DISC1: variants seen among roughly 807,000 people sequenced by gnomAD.
DISC1 encodes the protein DISC1 scaffold protein.
A neutral mutation model predicts 84.5 loss-of-function variants in DISC1; 57 were observed. The observed-to-expected ratio is 0.67, with a 90% CI of 0.55 to 0.84. The LOEUF (loss-of-function observed/expected upper bound fraction) is 0.84, where lower values mean the gene tolerates loss of function less well. DISC1 is among the 40% of genes least tolerant of loss of function. The pLI, the probability that DISC1 is intolerant of heterozygous loss-of-function variation, is 0.00. For synonymous variants in DISC1, 411 were observed against 415.2 expected, an observed-to-expected ratio of 0.99 and a Z score of 0.12; for missense variants, 1,000 against 1,057.8, an observed-to-expected ratio of 0.95 and a Z score of 0.76.
At chr1:231,754,117 C>T (rs769019657) in intron 4 of DISC1, among the ~76,000 whole-genome samples, 4 of 152,116 alleles carry the variant, frequency 2.6e-5, no homozygotes, top group Non-Finnish European at 4.4e-5. Context: ...TCTTCTGAGC[C>T]ATCCACACTC....
intron 10 of DISC1, among the ~76,000 whole-genome samples, chr1:231,963,331 A>G (rs1399724244): frequency 6.6e-6 from 1 of 152,194 alleles, no homozygotes; most frequent in Non-Finnish European, 1.5e-5. Flanking sequence ...ATTCGATTGA[A>G]TCATGTGAAA....
At chr1:231,969,820 A>G (rs1430056663) in intron 10 of DISC1, among the ~76,000 whole-genome samples, 3 of 151,766 alleles carry the variant, frequency 2.0e-5, no homozygotes, top group Admixed American at 2.0e-4. Flanking sequence ...TCATTGTTCA[A>G]TTCCCACCCA....
intron 9 of DISC1, among the ~76,000 whole-genome samples, chr1:231,892,597 A>C (rs1022997869): frequency 6.6e-6 from 1 of 152,168 alleles, no homozygotes; most frequent in Non-Finnish European, 1.5e-5. Flanking sequence ...CAAATAAGGT[A>C]CTAAAACAAG....
At chr1:231,721,542 T>C (rs544680448) in intron 3 of DISC1, among the ~76,000 whole-genome samples, 1 of 152,328 alleles carries the variant, frequency 6.6e-6, no homozygotes, top group African/African-American at 2.4e-5. Context: ...AATGAAATGT[T>C]CATTTATATC....
chr1:231,913,150 G>A (rs113846809), intron 9 of DISC1, among the ~76,000 whole-genome samples: 67 of 152,236 alleles, frequency 4.4e-4, no homozygotes, highest in African/African-American at 1.6e-3. Flanking sequence ...GAGCTCAAGA[G>A]ATCCACCAGC....
At chr1:231,714,767 GTC>G (rs2125049782) in intron 3 of DISC1, among the ~76,000 whole-genome samples, 2 of 151,998 alleles carry the variant, frequency 1.3e-5, no homozygotes, top group South Asian at 4.2e-4. Context: ...AGATGGAGGA[GTC>G]TCTTTCACAC....
chr1:231,706,894 C>T (rs1573055257), intron 3 of DISC1, among the ~76,000 whole-genome samples: 2 of 152,140 alleles, frequency 1.3e-5, no homozygotes, highest in Admixed American at 6.5e-5. Context: ...ATTACCCAAC[C>T]AGATACCCCT....
intron 7 of DISC1, 96 bp downstream of exon 7, chr1:231,795,392 A>C (rs2078679972): frequency 2.7e-6 from 3 of 1,100,860 alleles, no homozygotes; most frequent in Non-Finnish European, 4.0e-6. Flanking sequence ...GGCTTCTGCA[A>C]AAAAAGATGT....
chr1:231,802,001 G>A (rs2079307979), intron 8 of DISC1, among the ~76,000 whole-genome samples: 1 of 151,952 alleles, frequency 6.6e-6, no homozygotes, highest in East Asian at 1.9e-4. Flanking sequence ...TGTATTTTTA[G>A]TAGAGACGGG....
intron 8 of DISC1, among the ~76,000 whole-genome samples, chr1:231,817,163 C>A (rs967426044): frequency 6.6e-6 from 1 of 152,168 alleles, no homozygotes; most frequent in Admixed American, 6.5e-5. Flanking sequence ...CAGCTCGCTG[C>A]AACCTACACC....
Position 232,031,687 on chromosome 1 carries a change from C to G in DISC1, c.2426-5005C>G, listed in dbSNP as rs1430246356. On this transcript the variant is annotated intron_variant, in intron 12 of 12. Coordinates refer to ENST00000439617, the MANE Select transcript of DISC1 (RefSeq NM_018662.3). This position sits in a 1 kb window ranked among gnomAD's most constrained non-coding sequence, Gnocchi z 4.6. ...GAGCCCCACAGTGGGTGGGGGAGGG[C>G]AAGGGCGTAGACACAGGGCTGTCCT... 2.6e-5 allele frequency among the ~76,000 whole-genome samples: 4 copies of G among 152,072 alleles called. No homozygotes were observed. The highest frequency in any genetic ancestry group is 9.7e-5 in the African/African-American group (4 of 41,418).
intron 6 of DISC1, among the ~76,000 whole-genome samples, chr1:231,792,092 T>C (rs1005674759): frequency 6.6e-6 from 1 of 152,226 alleles, no homozygotes; most frequent in Admixed American, 6.5e-5. Flanking sequence ...GCTTTTATTC[T>C]GTATATACCC....
chr1:231,738,684 T>G (rs1307533618), intron 3 of DISC1, among the ~76,000 whole-genome samples: 1 of 152,202 alleles, frequency 6.6e-6, no homozygotes, highest in East Asian at 1.9e-4. Context: ...AATAGTATGT[T>G]GTGGGCATGA....
At chr1:231,695,627 G>A (rs1038759555) in intron 2 of DISC1, among the ~76,000 whole-genome samples, 7 of 72,844 alleles carry the variant, frequency 9.6e-5, no homozygotes, top group South Asian at 3.6e-4. Context: ...CTGTGTGTGC[G>A]TGTGTGTGTG....
chr1:231,971,744 G>A (rs1415852593), intron 10 of DISC1, among the ~76,000 whole-genome samples: 1 of 152,152 alleles, frequency 6.6e-6, no homozygotes, highest in East Asian at 1.9e-4. Flanking sequence ...TGCTGCTGAT[G>A]TAAAGATGAA....
intron 6 of DISC1, among the ~76,000 whole-genome samples, chr1:231,782,288 A>G (rs1055638838): frequency 1.3e-5 from 2 of 152,064 alleles, no homozygotes; most frequent in African/African-American, 2.4e-5. Flanking sequence ...CCAGTGGTCT[A>G]TTTTTGCCTT....
At chr1:231,920,905 ATTTTTTTT>A (rs34325068) in intron 9 of DISC1, among the ~76,000 whole-genome samples, 1 of 112,940 alleles carries the variant, frequency 8.9e-6, no homozygotes, top group Non-Finnish European at 1.8e-5. Context: ...CTGAACTGCT[ATTTTTTTT>A]TTTTTTTTTT....
chr1:231,703,592 C>G (rs2066674381), intron 3 of DISC1, among the ~76,000 whole-genome samples: 1 of 152,198 alleles, frequency 6.6e-6, no homozygotes, highest in Non-Finnish European at 1.5e-5. Flanking sequence ...CCTAGTTTGT[C>G]CCCTGCTCCT....
rs534418088 is a variant in DISC1 at position 231,954,456 on chromosome 1, A to T, written c.1982-4372A>T. The stretch of plus-strand genomic sequence containing the variant: ...CTAATTGTATGAATTCCACTCTGTT[A>T]TCATGGCCTGAACCTGAATATCAGA... On this transcript the variant is annotated intron_variant, in intron 9 of 12. Coordinates refer to ENST00000439617, the MANE Select transcript of DISC1 (RefSeq NM_018662.3). This position sits in a 1 kb window ranked among gnomAD's most constrained non-coding sequence, Gnocchi z 4.8. 3.7e-4 allele frequency among the ~76,000 whole-genome samples: 56 copies of T among 152,276 alleles called. No individual in the cohort carries two copies. Among genetic ancestry groups the T allele is most frequent in the African/African-American group, 1.1e-3 (45 of 41,524 alleles).
Sources: allele counts gnomAD v4.1 joint callset (sites outside exome capture counted in the v4.1 genomes callset), GRCh38; gene constraint gnomAD v4.1.1; non-coding constraint Gnocchi (gnomAD v3.1); transcripts MANE v1.5; gene names NCBI Gene and HGNC (gene_info 2026-07-23, HGNC 2026-07-21).